The following FHOD3 variants were observed in gnomAD, a reference collection of about 807,000 sequenced individuals.
The protein encoded by FHOD3 is FH1/FH2 domain-containing protein 3.
A neutral mutation model predicts 173.0 loss-of-function variants in FHOD3; 90 were observed. The observed-to-expected ratio is 0.52, with a 90% CI of 0.44 to 0.62. FHOD3 has a LOEUF of 0.62. Ranked by LOEUF, FHOD3 falls within the 20% of genes least tolerant of loss-of-function variation. The probability of loss-of-function intolerance (pLI) is 0.00; values close to 1 mark genes in which losing one functional copy is unlikely to be tolerated. For missense variants in FHOD3, 1,945 were observed against 2,034.7 expected (o/e 0.96, Z 0.85); for synonymous variants, 828 against 823.0 (o/e 1.01, Z -0.10).
At position 36,740,831 on chromosome 18, in the gene FHOD3, C is replaced by T. The variant is rs371962021; in HGVS notation, c.3752C>T (p.Thr1251Ile). ...LWAFKMDYET[T>I]EKEVAEPLLD... The stretch of plus-strand genomic sequence containing the variant: ...GCATTCAAAATGGATTATGAAACTA[C>T]AGAAAAGGTAAGCTCTCTGTAAGAG... The change falls in exon 21 of 29, where the codon ACA (threonine) becomes ATA (isoleucine). Residue 1251 changes from threonine (T) to isoleucine (I), a missense_variant. Around this residue, in one of 5 missense-constraint regions of FHOD3, gnomAD observed 231 missense variants for 321.9 expected, o/e 0.72. Coordinates refer to ENST00000590592, the MANE Select transcript of FHOD3 (RefSeq NM_001281740.3). The T allele has an allele frequency of 6.2e-7, 1 of 1,608,844 alleles. No homozygotes were observed. Among genetic ancestry groups the T allele is most frequent in the Non-Finnish European group, 8.5e-7 (1 of 1,178,782 alleles).
At chr18:36,723,560 C>T (rs556875039) in intron 19 of FHOD3, among the ~76,000 whole-genome samples, 1 of 152,310 alleles carries the variant, frequency 6.6e-6, no homozygotes, top group East Asian at 1.9e-4. Context: ...TGGCATCACT[C>T]TTTTGGCAGG....
chr18:36,513,219 C>T (rs2055762949), intron 5 of FHOD3, among the ~76,000 whole-genome samples: 1 of 151,090 alleles, frequency 6.6e-6, no homozygotes, highest in Non-Finnish European at 1.5e-5. Flanking sequence ...TGTGCATAGG[C>T]AGGGCAGGAA....
chr18:36,615,401 A>G (rs866208939), intron 9 of FHOD3, among the ~76,000 whole-genome samples: 1 of 151,730 alleles, frequency 6.6e-6, no homozygotes, highest in East Asian at 1.9e-4. Flanking sequence ...ATGAAAAAGC[A>G]TAAGAGAAAA....
chr18:36,730,554 C>A, intron 19 of FHOD3, 92 bp from the exon 20 acceptor site: 1 of 1,307,556 alleles, frequency 7.6e-7, no homozygotes, highest in Non-Finnish European at 1.1e-6. Context: ...TTGTTTTCAT[C>A]TCTAAATAAG....
intron 21 of FHOD3, among the ~76,000 whole-genome samples, chr18:36,742,150 G>T (rs903447961): frequency 3.3e-5 from 5 of 152,154 alleles, no homozygotes; most frequent in Non-Finnish European, 7.3e-5. Flanking sequence ...GGGGGCCACA[G>T]AATAACAGCA....
intron 5 of FHOD3, among the ~76,000 whole-genome samples, chr18:36,553,663 C>T (rs1230926788): frequency 1.3e-5 from 2 of 152,060 alleles, no homozygotes; most frequent in Non-Finnish European, 2.9e-5. Context: ...TCGGCTTCTG[C>T]ATGGCAAAAG....
chr18:36,591,591 C>T (rs931057088), intron 6 of FHOD3, among the ~76,000 whole-genome samples: 3 of 152,154 alleles, frequency 2.0e-5, no homozygotes, highest in Non-Finnish European at 4.4e-5. Flanking sequence ...GGTGAACAAG[C>T]GTCTGTAGCA....
At chr18:36,415,340 A>G (rs1199235878) in intron 3 of FHOD3, among the ~76,000 whole-genome samples, 1 of 152,226 alleles carries the variant, frequency 6.6e-6, no homozygotes, top group Non-Finnish European at 1.5e-5. Flanking sequence ...TCTTCACAAC[A>G]AATCAGCAAA....
intron 10 of FHOD3, among the ~76,000 whole-genome samples, chr18:36,633,337 T>A (rs771518734): frequency 3.9e-5 from 6 of 152,222 alleles, no homozygotes; most frequent in Non-Finnish European, 8.8e-5. Flanking sequence ...TGACCAATTA[T>A]TATTTTAAAA....
chr18:36,369,506 TAG>T (rs71168219), intron 2 of FHOD3, among the ~76,000 whole-genome samples: 10,179 of 127,592 alleles, frequency 0.08, 654 homozygotes, highest in East Asian at 0.23. Flanking sequence ...CACATATATA[TAG>T]AGAGAGAGAG....
intron 19 of FHOD3, among the ~76,000 whole-genome samples, chr18:36,726,310 T>C (rs2041066043): frequency 6.6e-6 from 1 of 152,164 alleles, no homozygotes; most frequent in South Asian, 2.1e-4. Flanking sequence ...TTTCTTCAGG[T>C]AGAAGATACA....
chr18:36,608,333 G>T (rs1864076235), intron 8 of FHOD3, among the ~76,000 whole-genome samples: 2 of 152,230 alleles, frequency 1.3e-5, no homozygotes, highest in South Asian at 4.1e-4. Context: ...GAGGGAGGTT[G>T]TAGGGAAGAT....
At chr18:36,360,947 G>C (rs34191538) in intron 2 of FHOD3, among the ~76,000 whole-genome samples, 21,674 of 152,204 alleles carry the variant, frequency 0.14, 1,991 homozygotes, top group South Asian at 0.34. Flanking sequence ...TTGAACATAA[G>C]TCTAAAAATC....
At chr18:36,545,606 A>C (rs12964583) in intron 5 of FHOD3, among the ~76,000 whole-genome samples, 65,940 of 152,104 alleles carry the variant, frequency 0.43, 14,622 homozygotes, top group Non-Finnish European at 0.49. Context: ...ATTTCTAAAT[A>C]TCTGTGTGTG....
intron 3 of FHOD3, among the ~76,000 whole-genome samples, chr18:36,490,567 T>G (rs912979478): frequency 1.3e-5 from 2 of 152,134 alleles, no homozygotes; most frequent in East Asian, 1.9e-4. Context: ...TTGCAGCCTC[T>G]TGGTGAATAG....
At chr18:36,576,953 C>T (rs2058676511) in intron 6 of FHOD3, among the ~76,000 whole-genome samples, 3 of 152,026 alleles carry the variant, frequency 2.0e-5, no homozygotes, top group African/African-American at 7.2e-5. Context: ...ATTAGCTGGG[C>T]ATGGTGGCAC....
At chr18:36,449,419 A>G (rs1196877918) in intron 3 of FHOD3, among the ~76,000 whole-genome samples, 2 of 152,082 alleles carry the variant, frequency 1.3e-5, no homozygotes, top group Non-Finnish European at 2.9e-5. Flanking sequence ...TGTCATCCGT[A>G]TGTTATTCGT....
intron 2 of FHOD3, among the ~76,000 whole-genome samples, chr18:36,361,248 A>G (rs775816000): frequency 1.3e-5 from 2 of 152,082 alleles, no homozygotes; most frequent in African/African-American, 4.8e-5. Flanking sequence ...CTTTAAAACC[A>G]AAGGAGCCAT....
chr18:36,569,008 A>G (rs914343866), intron 5 of FHOD3, among the ~76,000 whole-genome samples: 1 of 152,212 alleles, frequency 6.6e-6, no homozygotes, highest in Non-Finnish European at 1.5e-5. Flanking sequence ...GAAATAGAAT[A>G]TATAGAGAAC....
Sources: gnomAD v4.1 joint callset for allele counts (sites outside exome capture counted in the v4.1 genomes callset) on GRCh38, gnomAD v4.1.1 for gene constraint, gnomAD v4.1.1 regional missense constraint, MANE v1.5 for transcripts, NCBI Gene and HGNC (gene_info 2026-07-23, HGNC 2026-07-21) for gene names.